The following LRRC4C variants were observed in gnomAD, a reference collection of about 807,000 sequenced individuals.
LRRC4C encodes leucine rich repeat containing 4C.
LRRC4C carries 5 observed loss-of-function variants against 33.6 expected under a neutral mutation model. The ratio of observed to expected loss-of-function variants is 0.15; its 90% CI spans 0.08 to 0.31. LRRC4C has a LOEUF of 0.31. LRRC4C is among the 10% of genes least tolerant of loss of function. LRRC4C has a pLI of 1.00. For missense variants in LRRC4C, 560 were observed against 796.7 expected (o/e 0.70, Z 3.58); for synonymous variants, 329 against 302.0 (o/e 1.09, Z -0.93).
chr11:40,668,875 G>T (rs1309663118), intron 2 of LRRC4C, among the ~76,000 whole-genome samples: 2 of 152,076 alleles, frequency 1.3e-5, no homozygotes, highest in Non-Finnish European at 2.9e-5. Flanking sequence ...ATTGATTTTT[G>T]GTTCTTTGTC....
intron 3 of LRRC4C, among the ~76,000 whole-genome samples, chr11:40,499,952 A>G (rs1394080952): frequency 2.0e-5 from 3 of 152,116 alleles, no homozygotes. Flanking sequence ...AGAAGGGATC[A>G]TTGGGTGTTT....
At chr11:41,179,007 C>A (rs565964539) in intron 1 of LRRC4C, among the ~76,000 whole-genome samples, 1 of 152,166 alleles carries the variant, frequency 6.6e-6, no homozygotes, top group South Asian at 2.1e-4. Context: ...GGCCAAGAAT[C>A]TGGTTTTTAA....
rs143616882 is a variant in LRRC4C at position 40,260,718 on chromosome 11, T to C, written c.-175-19120A>G. Reference sequence around the variant, plus strand: ...CAAATTATCATCAGAAAATAACATATGGATAGAGCAGCCCAGGAGTCAGCA... The same window carrying C: ...CAAATTATCATCAGAAAATAACATACGGATAGAGCAGCCCAGGAGTCAGCA... On this transcript the variant is annotated intron_variant, in intron 4 of 6. Transcript: ENST00000528697. 1.6e-3 allele frequency among the ~76,000 whole-genome samples: 236 copies of C among 152,212 alleles called. 2 individuals are homozygous for C. Among genetic ancestry groups the C allele is most frequent in the African/African-American group, 5.5e-3 (230 of 41,554 alleles).
intron 3 of LRRC4C, among the ~76,000 whole-genome samples, chr11:40,627,700 G>A (rs976857762): frequency 6.6e-6 from 1 of 152,092 alleles, no homozygotes; most frequent in Non-Finnish European, 1.5e-5. Context: ...ATCACAGATA[G>A]ACAAGAGAAT....
chr11:40,330,540 A>G (rs1460122621), intron 3 of LRRC4C, among the ~76,000 whole-genome samples: 1 of 152,152 alleles, frequency 6.6e-6, no homozygotes, highest in African/African-American at 2.4e-5. Flanking sequence ...TGGGTAATTT[A>G]TAAAGGAAAG....
intron 3 of LRRC4C, among the ~76,000 whole-genome samples, chr11:40,613,369 T>C (rs989387376): frequency 6.6e-6 from 1 of 151,860 alleles, no homozygotes; most frequent in Admixed American, 6.6e-5. Flanking sequence ...ATATATTCTA[T>C]CTCAAGAAAC....
intron 3 of LRRC4C, among the ~76,000 whole-genome samples, chr11:40,440,118 G>A (rs946684841): frequency 6.6e-6 from 1 of 152,018 alleles, no homozygotes; most frequent in African/African-American, 2.4e-5. Context: ...TCCAAATCCT[G>A]TACTGAACTA....
intron 3 of LRRC4C, among the ~76,000 whole-genome samples, chr11:40,519,291 T>A (rs1444039320): frequency 2.6e-5 from 4 of 152,108 alleles, no homozygotes; most frequent in Non-Finnish European, 5.9e-5. Flanking sequence ...GAAGTAGAAA[T>A]CCTGGCTATG....
chr11:40,569,641 C>T (rs993239476), intron 3 of LRRC4C, among the ~76,000 whole-genome samples: 16 of 152,024 alleles, frequency 1.1e-4, no homozygotes, highest in African/African-American at 3.9e-4. Flanking sequence ...ACTGTCTGTT[C>T]TACAGGGAAG....
At chr11:41,262,264 G>T (rs937236724) in intron 1 of LRRC4C, among the ~76,000 whole-genome samples, 3 of 151,960 alleles carry the variant, frequency 2.0e-5, no homozygotes, top group African/African-American at 7.2e-5. Context: ...TTTTCTGGCT[G>T]CTTACACAGT....
chr11:41,248,536 G>A (rs1948526952), intron 1 of LRRC4C, among the ~76,000 whole-genome samples: 1 of 152,176 alleles, frequency 6.6e-6, no homozygotes, highest in East Asian at 1.9e-4. Flanking sequence ...TACTACAAAT[G>A]TTCTTCCTTC....
At chr11:40,984,408 AAAGAAAG>A (rs1406819383) in intron 1 of LRRC4C, among the ~76,000 whole-genome samples, 4 of 87,458 alleles carry the variant, frequency 4.6e-5, no homozygotes, top group Admixed American at 4.3e-4. Flanking sequence ...AGAAAGAAAG[AAAGAAAG>A]AGAAAGAAAG....
chr11:40,871,884 A>C (rs1591953553), intron 2 of LRRC4C, among the ~76,000 whole-genome samples: 1 of 152,268 alleles, frequency 6.6e-6, no homozygotes, highest in East Asian at 1.9e-4. Flanking sequence ...TGTAAATAAA[A>C]ATCTTTGAAC....
At chr11:40,950,137 C>T (rs1428386425) in intron 1 of LRRC4C, among the ~76,000 whole-genome samples, 1 of 151,902 alleles carries the variant, frequency 6.6e-6, no homozygotes, top group African/African-American at 2.4e-5. Context: ...TCCAAGGTCC[C>T]ACCCACCCCT....
chr11:40,939,902 C>T (rs1958068429), intron 1 of LRRC4C, among the ~76,000 whole-genome samples: 1 of 152,100 alleles, frequency 6.6e-6, no homozygotes, highest in South Asian at 2.1e-4. Flanking sequence ...GTTTACTTTG[C>T]CCCTGTATTC....
At chr11:40,404,183 T>C (rs1246976209) in intron 3 of LRRC4C, among the ~76,000 whole-genome samples, 1 of 152,112 alleles carries the variant, frequency 6.6e-6, no homozygotes, top group Non-Finnish European at 1.5e-5. Context: ...GGAAGAACTT[T>C]GGCCAAGGTG....
chr11:41,122,874 CAATT>C (rs946768229), intron 1 of LRRC4C: 1 of 151,960 alleles, frequency 6.6e-6, no homozygotes, highest in African/African-American at 2.4e-5. Flanking sequence ...TTATACTAAA[CAATT>C]TATTTTATAA....
intron 5 of LRRC4C, among the ~76,000 whole-genome samples, chr11:40,236,264 A>T (rs1156229168): frequency 6.6e-6 from 1 of 152,174 alleles, no homozygotes; most frequent in Non-Finnish European, 1.5e-5. Flanking sequence ...TCAGATGAAA[A>T]AGGAACTCTC....
intron 1 of LRRC4C, among the ~76,000 whole-genome samples, chr11:41,384,600 G>A (rs888848471): frequency 1.3e-5 from 2 of 151,106 alleles, no homozygotes; most frequent in African/African-American, 4.8e-5. Context: ...TAAATTCAAT[G>A]GTAATGTTTA....
Sources: allele counts gnomAD v4.1 joint callset (sites outside exome capture counted in the v4.1 genomes callset), GRCh38; gene constraint gnomAD v4.1.1; transcripts MANE v1.5; gene names NCBI Gene and HGNC (gene_info 2026-07-23, HGNC 2026-07-21).